The following SHROOM3 variants were observed in gnomAD, a reference collection of about 807,000 sequenced individuals.
The protein encoded by SHROOM3 is shroom family member 3, also known as protein Shroom3.
SHROOM3 carries 47 observed loss-of-function variants against 138.6 expected under a neutral mutation model. The ratio of observed to expected loss-of-function variants is 0.34; its 90% CI spans 0.27 to 0.43. The LOEUF (loss-of-function observed/expected upper bound fraction) is 0.43, where lower values mean the gene tolerates loss of function less well. Among genes scored for constraint, SHROOM3 ranks in the 20% least tolerant of loss-of-function variants. The probability of loss-of-function intolerance (pLI) is 1.00; values close to 1 mark genes in which losing one functional copy is unlikely to be tolerated. For missense variants in SHROOM3, 2,491 were observed against 2,596.5 expected, an observed-to-expected ratio of 0.96 and a Z score of 0.88; for synonymous variants, 1,062 against 1,063.3, an observed-to-expected ratio of 1.00 and a Z score of 0.02.
chr4:76,476,508 T>C (rs1037913343), intron 1 of SHROOM3, among the ~76,000 whole-genome samples: 3 of 152,278 alleles, frequency 2.0e-5, no homozygotes, highest in South Asian at 2.1e-4. Context: ...TCTCTAGACA[T>C]TGGGTTTTCT....
intron 2 of SHROOM3, among the ~76,000 whole-genome samples, chr4:76,689,356 G>C (rs4593159): frequency 4.0e-5 from 6 of 149,362 alleles, no homozygotes; most frequent in Non-Finnish European, 9.0e-5. Flanking sequence ...GGTGGCGAGC[G>C]AGCGCCGAGC....
At chr4:76,530,843 C>G (rs374648202) in intron 1 of SHROOM3, among the ~76,000 whole-genome samples, 1 of 152,138 alleles carries the variant, frequency 6.6e-6, no homozygotes, top group African/African-American at 2.4e-5. Flanking sequence ...CCATCACACA[C>G]GGGAGGCTGT....
chr4:76,642,164 A>T (rs1380429233), intron 2 of SHROOM3, among the ~76,000 whole-genome samples: 1 of 152,214 alleles, frequency 6.6e-6, no homozygotes, highest in Non-Finnish European at 1.5e-5. Flanking sequence ...TTTGTTACAA[A>T]GTAACAAAGC....
At chr4:76,771,028 A>G (rs1205840188) in intron 10 of SHROOM3, 130 bp downstream of exon 10, 9 of 1,187,228 alleles carry the variant, frequency 7.6e-6, no homozygotes, top group East Asian at 7.1e-5. Context: ...GAGAGAATAC[A>G]TGTATAGGTA....
Position 76,756,637 on chromosome 4 carries a change from C to A in SHROOM3, c.4898C>A (p.Ala1633Glu). The change falls in exon 8 of 11, where the codon GCA becomes GAA. Residue 1633 changes from alanine (A) to glutamate (E), a missense_variant. Ala to Glu is a moderately radical substitution (Grantham distance 107). Coordinates refer to ENST00000296043, the MANE Select transcript of SHROOM3 (RefSeq NM_020859.4). The part of the protein sequence containing the change: ...QLAGSLGGQP[A>E]PIQTQSLSHD... ...GCTGGGTCTCTTGGTGGGCAGCCAG[C>A]ACCCATCCAGACTCAAAGCCTCAGC... 3 of 1,613,712 alleles carry A rather than the reference C, an allele frequency of 1.9e-6. No individual in the cohort carries two copies. Among genetic ancestry groups the A allele is most frequent in the Non-Finnish European group, 2.5e-6 (3 of 1,179,920 alleles).
chr4:76,526,384 AT>A (rs1482484815), intron 1 of SHROOM3, among the ~76,000 whole-genome samples: 2 of 152,144 alleles, frequency 1.3e-5, no homozygotes, highest in African/African-American at 2.4e-5. Flanking sequence ...AAAATAAAAA[AT>A]AAATGTCAGT....
At chr4:76,495,357 T>A (rs1318515902) in intron 1 of SHROOM3, among the ~76,000 whole-genome samples, 2 of 152,208 alleles carry the variant, frequency 1.3e-5, no homozygotes, top group African/African-American at 4.8e-5. Flanking sequence ...GTTACATACC[T>A]TCCCCCCAGG....
intron 1 of SHROOM3, among the ~76,000 whole-genome samples, chr4:76,513,168 C>T (rs1415373642): frequency 1.3e-5 from 2 of 152,100 alleles, no homozygotes; most frequent in Non-Finnish European, 2.9e-5. Flanking sequence ...TTTCTACTGT[C>T]GGGTCTTTCA....
At chr4:76,578,784 T>C (rs1733986794) in intron 2 of SHROOM3, among the ~76,000 whole-genome samples, 2 of 152,212 alleles carry the variant, frequency 1.3e-5, no homozygotes, top group African/African-American at 2.4e-5. Context: ...TTAATAAACA[T>C]TTTTAAATGA....
At chr4:76,669,643 A>C (rs1487802617) in intron 2 of SHROOM3, among the ~76,000 whole-genome samples, 1 of 152,048 alleles carries the variant, frequency 6.6e-6, no homozygotes, top group Non-Finnish European at 1.5e-5. Context: ...TTCTCTTCAC[A>C]TATCTTGTTT....
Position 76,739,387 on chromosome 4 carries a change from C to G in SHROOM3, c.1214C>G (p.Ser405Cys), listed in dbSNP as rs1311996035. ...FRHRERPSSW[S>C]SLDQKRLCRP... ...CACCGTGAGCGGCCCAGCTCCTGGT[C>G]TAGCCTTGATCAGAAACGGCTCTGC... The change falls in exon 5 of 11, where the codon TCT (serine) becomes TGT (cysteine). Residue 405 changes from serine (S) to cysteine (C), a missense_variant. By Grantham distance (112) the Ser-to-Cys change is moderately radical. This residue lies in a region of SHROOM3 where 1,733 missense variants were observed against 1,661.6 expected (regional missense o/e 1.04). Transcript: ENST00000296043. 6 of 1,614,152 alleles carry G rather than the reference C, an allele frequency of 3.7e-6. No individual in the cohort carries two copies. In the East Asian group the frequency reaches 1.3e-4, roughly 36 times the overall value.
At chr4:76,706,632 A>C (rs1382108717) in intron 2 of SHROOM3, among the ~76,000 whole-genome samples, 1 of 152,136 alleles carries the variant, frequency 6.6e-6, no homozygotes, top group African/African-American at 2.4e-5. Context: ...AGTTGTTTGA[A>C]AAAAATCTGC....
At chr4:76,692,988 G>C (rs1719601322) in intron 2 of SHROOM3, among the ~76,000 whole-genome samples, 1 of 152,166 alleles carries the variant, frequency 6.6e-6, no homozygotes, top group Admixed American at 6.5e-5. Flanking sequence ...TGTATGCAAA[G>C]CATTACCTGA....
intron 2 of SHROOM3, among the ~76,000 whole-genome samples, chr4:76,673,294 G>C (rs987697740): frequency 1.3e-5 from 2 of 152,102 alleles, no homozygotes; most frequent in Non-Finnish European, 2.9e-5. Flanking sequence ...TGTGATTAGG[G>C]ACTTAATATA....
intron 2 of SHROOM3, among the ~76,000 whole-genome samples, chr4:76,693,369 T>TG (rs1719614158): frequency 3.8e-5 from 5 of 131,996 alleles, no homozygotes; most frequent in Non-Finnish European, 7.7e-5. Flanking sequence ...TTGATAAGTT[T>TG]GTTTTTTTTT....
chr4:76,564,179 G>C (rs190159161), intron 2 of SHROOM3, among the ~76,000 whole-genome samples: 1 of 152,324 alleles, frequency 6.6e-6, no homozygotes, highest in Admixed American at 6.5e-5. Flanking sequence ...GCAAAGGGCT[G>C]GCAGATGCCT....
chr4:76,584,191 G>A (rs1407325522), intron 2 of SHROOM3, among the ~76,000 whole-genome samples: 1 of 152,128 alleles, frequency 6.6e-6, no homozygotes, highest in Admixed American at 6.6e-5. Flanking sequence ...GGTGGCACAT[G>A]CCTGTAATCC....
chr4:76,554,100 C>T (rs566324106), intron 1 of SHROOM3, among the ~76,000 whole-genome samples: 2 of 152,330 alleles, frequency 1.3e-5, no homozygotes, highest in African/African-American at 4.8e-5. Flanking sequence ...ATATTCTGTG[C>T]CACCATATTC....
chr4:76,691,874 A>C (rs1326424003), intron 2 of SHROOM3, among the ~76,000 whole-genome samples: 1 of 152,178 alleles, frequency 6.6e-6, no homozygotes, highest in Non-Finnish European at 1.5e-5. Context: ...TATTCTTGTA[A>C]GTTCTGTTCG....
Sources: gnomAD v4.1 joint callset for allele counts (sites outside exome capture counted in the v4.1 genomes callset) on GRCh38, gnomAD v4.1.1 for gene constraint, gnomAD v4.1.1 regional missense constraint, MANE v1.5 for transcripts, NCBI Gene and HGNC (gene_info 2026-07-23, HGNC 2026-07-21) for gene names.